VIT: variants seen among roughly 807,000 people sequenced by gnomAD.
VIT encodes the protein vitrin.
Under a neutral mutation model 78.0 loss-of-function variants are expected in VIT, and 99 were observed. The observed-to-expected ratio is 1.27, with a 90% CI of 1.08 to 1.50. VIT has a LOEUF of 1.50. Ranked by LOEUF, VIT falls within the 40% of genes most tolerant of loss-of-function variation. The pLI, the probability that VIT is intolerant of heterozygous loss-of-function variation, is 0.00. For missense variants in VIT, 1,126 were observed against 875.3 expected (o/e 1.29, Z -3.61); for synonymous variants, 374 against 334.3 (o/e 1.12, Z -1.29).
intron 9 of VIT, among the ~76,000 whole-genome samples, chr2:36,776,741 G>A (rs1275967794): frequency 6.6e-6 from 1 of 151,862 alleles, no homozygotes. Flanking sequence ...GGTGCAGTAA[G>A]CTGAGATGGC....
intron 15 of VIT, among the ~76,000 whole-genome samples, 168 bp downstream of exon 15, chr2:36,809,153 C>G (rs1158614954): frequency 6.6e-6 from 1 of 152,164 alleles, no homozygotes; most frequent in Admixed American, 6.5e-5. Context: ...CTGCAAGCCC[C>G]TCTGAGTAGG....
chr2:36,712,625 C>T (rs1174706229), intron 1 of VIT, among the ~76,000 whole-genome samples: 1 of 152,142 alleles, frequency 6.6e-6, no homozygotes, highest in East Asian at 1.9e-4. Context: ...ATCATGAGGT[C>T]AGGAGTTCCA....
In VIT at chr2:36,699,086, G is replaced by A. The variant is rs191120221; in HGVS notation, c.-19+2113G>A. Among the ~76,000 whole-genome samples the A allele has an allele frequency of 2.2e-3, 340 of 152,172 alleles. 1 individual carries two copies. The highest frequency in any genetic ancestry group is 7.9e-3 in the African/African-American group (327 of 41,530). ...TGTTCCCATGATGCTGTGTCCACAT[G>A]TGCAACTTCCCCTCTCCTTGCTAAC... On this transcript the variant is annotated intron_variant, in intron 1 of 15. Transcript: ENST00000379242.
At chr2:36,715,828 A>G (rs1333769177) in intron 1 of VIT, among the ~76,000 whole-genome samples, 1 of 152,176 alleles carries the variant, frequency 6.6e-6, no homozygotes, top group Non-Finnish European at 1.5e-5. Context: ...GCAATTTAAC[A>G]TGGTTATTTG....
rs755791281 is a variant in VIT at position 36,808,588 on chromosome 2, C to A, written c.1506C>A (p.Ser502Arg). The A allele has an allele frequency of 6.2e-7, 1 of 1,614,192 alleles. No homozygotes were observed. Among genetic ancestry groups the A allele is most frequent in the African/African-American group, 1.3e-5 (1 of 75,058 alleles). Reference protein sequence around the residue: ...RVCDTDRLACSKTCLNSADIG... With the variant: ...RVCDTDRLACRKTCLNSADIG... ...GCGACACTGACCGCCTGGCCTGCAG[C>A]AAGACCTGCTTGAACTCGGCTGACA... Residue 502 changes from serine (S) to arginine (R), a missense_variant, in exon 15 of 16, where the codon AGC (serine) becomes AGA (arginine). Ser to Arg is a moderately radical substitution (Grantham distance 110). Transcript: ENST00000379242.
chr2:36,719,401 G>A (rs1267460339), intron 2 of VIT, among the ~76,000 whole-genome samples: 1 of 152,170 alleles, frequency 6.6e-6, no homozygotes, highest in East Asian at 1.9e-4. Context: ...AATTTCCTCT[G>A]CAGATAACAT....
intron 3 of VIT, among the ~76,000 whole-genome samples, chr2:36,741,740 A>G (rs368676593): frequency 6.6e-6 from 1 of 152,106 alleles, no homozygotes; most frequent in South Asian, 2.1e-4. Context: ...TCCTCACCCA[A>G]TGTAGAAATC....
chr2:36,794,162 T>C (rs1665697681), intron 12 of VIT, among the ~76,000 whole-genome samples: 1 of 152,222 alleles, frequency 6.6e-6, no homozygotes, highest in Non-Finnish European at 1.5e-5. Flanking sequence ...CATTTACTGT[T>C]ACACAAATTC....
chr2:36,711,211 G>T (rs1166442651), intron 1 of VIT, among the ~76,000 whole-genome samples: 3 of 152,056 alleles, frequency 2.0e-5, no homozygotes, highest in African/African-American at 7.2e-5. Flanking sequence ...TCTTCTTCTT[G>T]CTGTGGTCTT....
chr2:36,715,460 C>T (rs777593073), intron 1 of VIT, among the ~76,000 whole-genome samples: 4 of 150,136 alleles, frequency 2.7e-5, no homozygotes, highest in African/African-American at 7.4e-5. Context: ...TGCTTAAACT[C>T]GGGAGGCAGA....
intron 13 of VIT, among the ~76,000 whole-genome samples, chr2:36,803,960 C>G (rs1306472055): frequency 6.6e-6 from 1 of 152,144 alleles, no homozygotes; most frequent in Admixed American, 6.5e-5. Flanking sequence ...CTCTATACAG[C>G]CATGCTGACT....
chr2:36,751,105 A>T (rs1227447762), intron 4 of VIT, among the ~76,000 whole-genome samples: 1 of 151,814 alleles, frequency 6.6e-6, no homozygotes, highest in Non-Finnish European at 1.5e-5. Context: ...ACTAAATACA[A>T]AAAAATTTAG....
intron 11 of VIT, among the ~76,000 whole-genome samples, chr2:36,784,591 C>T (rs1234527684): frequency 6.6e-6 from 1 of 152,194 alleles, no homozygotes; most frequent in Non-Finnish European, 1.5e-5. Context: ...GAAACACTGG[C>T]CTGATGTATT....
At position 36,808,930 on chromosome 2, in the gene VIT, C is replaced by A; in HGVS notation, c.1848C>A (p.Thr616=). 6.2e-7 allele frequency: 1 copy of A among 1,612,948 alleles called. No homozygotes were observed. The highest frequency in any genetic ancestry group is 8.5e-7 in the Non-Finnish European group (1 of 1,179,196). The change falls in exon 15 of 16, where the codon ACC becomes ACA. Residue 616 remains threonine, a synonymous_variant. Coordinates refer to ENST00000379242, the MANE Select transcript of VIT (RefSeq NM_053276.4). ...AGAGGAAGTTAATGATCCTCATCAC[C>A]GACGGGAGGTCCTACGACGACGTCC... The part of the protein sequence containing the change: ...PNKRKLMILI[T]DGRSYDDVRI...
intron 7 of VIT, among the ~76,000 whole-genome samples, chr2:36,771,410 C>T (rs984736653): frequency 1.3e-4 from 19 of 151,810 alleles, no homozygotes; most frequent in South Asian, 2.1e-4. Context: ...CCTGTAATAC[C>T]GGCTACTCAG....
At chr2:36,706,493 T>C (rs1166133704) in intron 1 of VIT, among the ~76,000 whole-genome samples, 1 of 152,144 alleles carries the variant, frequency 6.6e-6, no homozygotes, top group Non-Finnish European at 1.5e-5. Flanking sequence ...TGAAGGGATC[T>C]TCTCCCCCTG....
chr2:36,719,196 A>G (rs1447438555), intron 2 of VIT, among the ~76,000 whole-genome samples: 1 of 152,178 alleles, frequency 6.6e-6, no homozygotes, highest in African/African-American at 2.4e-5. Flanking sequence ...CCTCAACACA[A>G]TAAAGGCCAG....
chr2:36,777,972 C>G (rs1412761769), intron 9 of VIT, among the ~76,000 whole-genome samples: 1 of 152,172 alleles, frequency 6.6e-6, no homozygotes, highest in Non-Finnish European at 1.5e-5. Context: ...CCTGATGATG[C>G]TGTCATCCTC....
intron 2 of VIT, 134 bp from the exon 3 acceptor site, chr2:36,729,292 G>A (rs933020248): frequency 2.3e-5 from 15 of 649,440 alleles, no homozygotes; most frequent in African/African-American, 2.2e-4. Flanking sequence ...ATTAAGTGAT[G>A]CATGACTGTA....
Sources: allele counts gnomAD v4.1 joint callset (sites outside exome capture counted in the v4.1 genomes callset), GRCh38; gene constraint gnomAD v4.1.1; transcripts MANE v1.5; gene names NCBI Gene and HGNC (gene_info 2026-07-23, HGNC 2026-07-21).